Variants in ECT2 observed in about 807,000 individuals in gnomAD.
ECT2 encodes epithelial cell transforming 2, also known as protein ECT2.
ECT2 carries 61 observed loss-of-function variants against 116.9 expected under a neutral mutation model. The observed-to-expected ratio is 0.52, with a 90% CI of 0.42 to 0.65. The LOEUF is 0.65. Among genes scored for constraint, ECT2 ranks in the 30% least tolerant of loss-of-function variants. The pLI is 0.00. For synonymous variants in ECT2, 358 were observed against 346.4 expected, an observed-to-expected ratio of 1.03 and a Z score of -0.37; for missense variants, 937 against 1,078.7, an observed-to-expected ratio of 0.87 and a Z score of 1.84.
chr3:172,807,921 T>A lies in ECT2; in HGVS notation c.2397T>A (p.Asp799Glu). ...RHVANTICKADAENLIYTADP... is the reference protein window; with the variant it reads ...RHVANTICKAEAENLIYTADP... ...TAGCTAACACCATTTGTAAAGCAGA[T>A]GCTGTAAGTTCTTAAAACAGTATTA... is the stretch of plus-strand genomic sequence containing the variant. The change falls in exon 22 of 25, where the codon GAT (aspartate) becomes GAA (glutamate). Residue 799 changes from aspartate to glutamate, a missense_variant. Coordinates refer to ENST00000392692, the MANE Select transcript of ECT2 (RefSeq NM_001258315.2). 6.2e-7 allele frequency: 1 copy of A among 1,612,878 alleles called. No individual in the cohort carries two copies. The highest frequency in any genetic ancestry group is 8.5e-7 in the Non-Finnish European group (1 of 1,179,322).
chr3:172,828,707 C>T, the ECT2 span: 43 of 463,018 alleles, frequency 9.3e-5, no homozygotes, highest in East Asian at 1.1e-3. Flanking sequence ...GCAGCAGGGA[C>T]GGACAGGTGG....
At chr3:172,793,804 G>GGTT (rs1433784147) in intron 18 of ECT2, among the ~76,000 whole-genome samples, 1 of 152,030 alleles carries the variant, frequency 6.6e-6, no homozygotes, top group Non-Finnish European at 1.5e-5. Flanking sequence ...ATAGATGTTT[G>GGTT]GTTGTCTTTC....
chr3:172,825,433 G>T (rs914588437), downstream of ECT2, among the ~76,000 whole-genome samples: 2 of 152,164 alleles, frequency 1.3e-5, no homozygotes, highest in Middle Eastern at 6.3e-3. Context: ...TAGACTGAAA[G>T]CAAGGCCCCT....
At chr3:172,800,574 C>A (rs562644466) in intron 18 of ECT2, among the ~76,000 whole-genome samples, 1 of 152,108 alleles carries the variant, frequency 6.6e-6, no homozygotes, top group Admixed American at 6.6e-5. Context: ...AGAAATTTAT[C>A]GTTATATTTT....
At chr3:172,793,475 A>T (rs542356221) in intron 18 of ECT2, among the ~76,000 whole-genome samples, 1 of 143,838 alleles carries the variant, frequency 7.0e-6, no homozygotes, top group African/African-American at 2.6e-5. Flanking sequence ...TTTTATTCTT[A>T]CTTTTTAAGA....
At chr3:172,824,503 C>A (rs943081801), downstream of ECT2, among the ~76,000 whole-genome samples, 33 of 152,146 alleles carry the variant, frequency 2.2e-4, no homozygotes, top group Admixed American at 7.2e-4. Flanking sequence ...CACCATGATC[C>A]AATTACCTCC....
chr3:172,768,168 G>A (rs1288269660), intron 12 of ECT2, among the ~76,000 whole-genome samples: 1 of 152,068 alleles, frequency 6.6e-6, no homozygotes, highest in Non-Finnish European at 1.5e-5. Context: ...GTTTTTTGTG[G>A]GGGGGCTTCT....
At chr3:172,813,087 T>C (rs182157057) in intron 22 of ECT2, among the ~76,000 whole-genome samples, 153 of 152,214 alleles carry the variant, frequency 1.0e-3, no homozygotes, top group African/African-American at 3.6e-3. Context: ...ATTACCTAGA[T>C]AGTTCACAAG....
chr3:172,823,592 A>G (rs1301160373), downstream of ECT2, among the ~76,000 whole-genome samples: 1 of 152,198 alleles, frequency 6.6e-6, no homozygotes, highest in Non-Finnish European at 1.5e-5. Flanking sequence ...GTTGCAGATC[A>G]CCACAATAAA....
chr3:172,754,372 G>A (rs1716539344), intron 1 of ECT2, 137 bp from the exon 2 acceptor site: 1 of 569,520 alleles, frequency 1.8e-6, no homozygotes, highest in South Asian at 2.7e-5. Context: ...GCTCAGAGAA[G>A]GTCAGTGACT....
At position 172,764,235 on chromosome 3, in the gene ECT2, A is replaced by C. The variant is rs144306814; in HGVS notation, c.1069-43A>C. On this transcript the variant is annotated intron_variant, in intron 11 of 24. Transcript: ENST00000392692. ...TTTTCTCTTGTTCCTGTCTCAGTAA[A>C]GAACCATGGAAGTAAATTGAGCTTG... 9,992 of 1,544,604 alleles carry C rather than the reference A, an allele frequency of 6.5e-3. 38 individuals carry two copies. Among genetic ancestry groups the C allele is most frequent in the Non-Finnish European group, 7.7e-3 (8,613 of 1,119,504 alleles).
intron 18 of ECT2, among the ~76,000 whole-genome samples, chr3:172,794,346 T>TG (rs1224320279): frequency 6.6e-6 from 1 of 152,230 alleles, no homozygotes; most frequent in Non-Finnish European, 1.5e-5. Context: ...CAGTATTTGT[T>TG]GCAAAGAGTA....
chr3:172,754,571 C>T lies in ECT2; in HGVS notation c.41C>T (p.Thr14Ile). 6.2e-7 allele frequency: 1 copy of T among 1,611,476 alleles called. No homozygotes were observed. The highest frequency in any genetic ancestry group is 2.2e-5 in the East Asian group (1 of 44,760). The change falls in exon 2 of 25, where the codon ACT becomes ATT. Residue 14 changes from threonine (T) to isoleucine (I), a missense_variant. Thr to Ile is a moderately conservative substitution (Grantham distance 89). Transcript: ENST00000392692. ...GTATTAACATCCACTACTGGGAGGA[C>T]TAGCTTGGCAGACTCTTCCATTTTT... ...NSVLTSTTGR[T>I]SLADSSIFDS...
At chr3:172,801,023 G>C (rs1726615334) in intron 18 of ECT2, among the ~76,000 whole-genome samples, 1 of 152,018 alleles carries the variant, frequency 6.6e-6, no homozygotes, top group Non-Finnish European at 1.5e-5. Context: ...TCATGTTTTT[G>C]CTTAAAATGT....
At chr3:172,767,975 G>T (rs1261269620) in intron 12 of ECT2, among the ~76,000 whole-genome samples, 1 of 152,132 alleles carries the variant, frequency 6.6e-6, no homozygotes, top group East Asian at 1.9e-4. Context: ...CAAGTGATCT[G>T]TCCGCCTTGG....
At chr3:172,829,134 C>A in the ECT2 span, 1 of 669,930 alleles carries the variant, frequency 1.5e-6, no homozygotes, top group East Asian at 3.0e-5. Context: ...AACAGTGGAT[C>A]TGAGCCGGAG....
At chr3:172,801,386 C>A (rs1020302436) in intron 18 of ECT2, among the ~76,000 whole-genome samples, 1 of 152,182 alleles carries the variant, frequency 6.6e-6, no homozygotes, top group Admixed American at 6.5e-5. Flanking sequence ...TCTTAGTACT[C>A]TACCCTGATG....
downstream of ECT2, among the ~76,000 whole-genome samples, chr3:172,821,963 C>G (rs1184767190): frequency 1.3e-5 from 2 of 151,788 alleles, no homozygotes; most frequent in African/African-American, 4.8e-5. Flanking sequence ...TCCTTGTTAT[C>G]AGATGAAGAC....
chr3:172,818,498 C>T (rs1403285510), intron 24 of ECT2: 3 of 1,138,592 alleles, frequency 2.6e-6, no homozygotes, highest in Admixed American at 7.9e-5. Flanking sequence ...GCTAAAATAC[C>T]TTCAAGACAT....
Sources: allele counts gnomAD v4.1 joint callset (sites outside exome capture counted in the v4.1 genomes callset), GRCh38; gene constraint gnomAD v4.1.1; transcripts MANE v1.5; gene names NCBI Gene and HGNC (gene_info 2026-07-23, HGNC 2026-07-21).